CTNNA2: variants seen among roughly 807,000 people sequenced by gnomAD.
CTNNA2 encodes the protein catenin alpha-2.
Under a neutral mutation model 101.0 loss-of-function variants are expected in CTNNA2, and 42 were observed. The observed-to-expected ratio is 0.42, with a 90% CI of 0.32 to 0.54. The LOEUF (loss-of-function observed/expected upper bound fraction) is 0.54, where lower values mean the gene tolerates loss of function less well. CTNNA2 is among the 20% of genes least tolerant of loss of function. The pLI is 0.14. For synonymous variants in CTNNA2, 450 were observed against 456.4 expected, an observed-to-expected ratio of 0.99 and a Z score of 0.18; for missense variants, 871 against 1,223.1, an observed-to-expected ratio of 0.71 and a Z score of 4.29.
intron 3 of CTNNA2, among the ~76,000 whole-genome samples, chr2:79,818,155 T>C (rs1001419471): frequency 3.3e-5 from 5 of 152,190 alleles, no homozygotes; most frequent in South Asian, 2.1e-4. Context: ...GCAGATTACA[T>C]TAAGAAGTTC....
At chr2:80,606,579 GA>G (rs1437167124) in intron 16 of CTNNA2, among the ~76,000 whole-genome samples, 1 of 151,844 alleles carries the variant, frequency 6.6e-6, no homozygotes, top group African/African-American at 2.4e-5. Context: ...GAAATCTTCA[GA>G]AAAAAATGTT....
chr2:80,236,379 A>C (rs1387707254), intron 7 of CTNNA2, among the ~76,000 whole-genome samples: 1 of 152,196 alleles, frequency 6.6e-6, no homozygotes, highest in Non-Finnish European at 1.5e-5. Flanking sequence ...TGTATCTTGC[A>C]CTGAAGTTCT....
At chr2:79,717,862 G>T (rs1683375969) in intron 2 of CTNNA2, among the ~76,000 whole-genome samples, 1 of 152,158 alleles carries the variant, frequency 6.6e-6, no homozygotes, top group African/African-American at 2.4e-5. Context: ...GGACTTAAAA[G>T]TGGAACCTAC....
chr2:79,279,991 C>G (rs531299078), intron 2 of CTNNA2, among the ~76,000 whole-genome samples: 12 of 152,192 alleles, frequency 7.9e-5, no homozygotes, highest in African/African-American at 2.9e-4. Flanking sequence ...TTCAACCTTA[C>G]TAAGAATTTG....
rs147721164 is a variant in CTNNA2, at chr2:80,430,028, A to G, written c.1290+10427A>G. Among the ~76,000 whole-genome samples, 45 of 152,340 alleles carry G rather than the reference A, an allele frequency of 3.0e-4. No homozygotes were observed. The East Asian group carries it at 7.9e-3, about 27-fold the overall frequency. On this transcript the variant is annotated intron_variant, in intron 9 of 18. Transcript: ENST00000402739. ...ATGAAATCAATTTTTTTCATATGTA[A>G]GAGAAACCAACTATTAGTTTCCATG...
At chr2:80,597,584 G>A (rs1278422634) in intron 15 of CTNNA2, among the ~76,000 whole-genome samples, 1 of 151,880 alleles carries the variant, frequency 6.6e-6, no homozygotes, top group African/African-American at 2.4e-5. Context: ...ATCTGGCAAG[G>A]GTCTAATATC....
At chr2:80,313,655 G>T (rs868309291) in intron 7 of CTNNA2, 2 of 1,602,086 alleles carry the variant, frequency 1.2e-6, no homozygotes, top group East Asian at 2.2e-5. Context: ...TGGAGCACAG[G>T]TATGCAGGAG....
At chr2:79,436,183 T>C (rs1678711031) in intron 4 of CTNNA2, among the ~76,000 whole-genome samples, 1 of 152,200 alleles carries the variant, frequency 6.6e-6, no homozygotes, top group Non-Finnish European at 1.5e-5. Flanking sequence ...ACTTTCTACC[T>C]GCGATGAACT....
At chr2:80,304,372 C>T (rs542815719) in intron 7 of CTNNA2, 1 of 152,750 alleles carries the variant, frequency 6.5e-6, no homozygotes, top group Non-Finnish European at 1.5e-5. Context: ...AGTTTCCCAA[C>T]TACGTGCCGG....
At chr2:80,647,507 A>G in intron 18 of CTNNA2, 78 bp from the exon 19 acceptor site, 1 of 1,185,924 alleles carries the variant, frequency 8.4e-7, no homozygotes, top group Non-Finnish European at 1.2e-6. Context: ...CATTATTTTA[A>G]CCGTGAAAGT....
Position 80,371,303 on chromosome 2 carries a change from G to T in CTNNA2, c.1057-21908G>T, listed in dbSNP as rs890359158. Among the ~76,000 whole-genome samples, 8 of 152,138 alleles carry T rather than the reference G, an allele frequency of 5.3e-5. No individual in the cohort carries two copies. In the South Asian group the frequency reaches 6.2e-4, roughly 12 times the overall value. ...ACTCAGATGAATTGTCCAAAATGTG[G>T]CCAATTCTGATTTTAACATTTACCC... On this transcript the variant is annotated intron_variant, in intron 7 of 18. Coordinates refer to ENST00000402739, the MANE Select transcript of CTNNA2 (RefSeq NM_001282597.3).
intron 7 of CTNNA2, among the ~76,000 whole-genome samples, chr2:80,341,681 C>G (rs1208565631): frequency 1.3e-5 from 2 of 152,180 alleles, no homozygotes; most frequent in African/African-American, 2.4e-5. Flanking sequence ...TAGAATGGTA[C>G]AGCTACTTTG....
chr2:80,092,316 G>A (rs1413851477), intron 7 of CTNNA2, among the ~76,000 whole-genome samples: 2 of 152,138 alleles, frequency 1.3e-5, no homozygotes, highest in Non-Finnish European at 2.9e-5. Context: ...AGGAGTCAAA[G>A]AGATAGCTCC....
chr2:79,780,051 A>T (rs902841175), intron 3 of CTNNA2, among the ~76,000 whole-genome samples: 3 of 152,192 alleles, frequency 2.0e-5, no homozygotes, highest in Non-Finnish European at 4.4e-5. Flanking sequence ...TGGTCTCCAC[A>T]ACCCCTTATG....
At position 79,833,876 on chromosome 2, in the gene CTNNA2, A is replaced by C. The variant is rs201987932; in HGVS notation, c.299-24137A>C. 8.5e-5 allele frequency among the ~76,000 whole-genome samples: 13 copies of C among 152,306 alleles called. No individual in the cohort carries two copies. In the East Asian group the frequency reaches 2.5e-3, roughly 29 times the overall value. On this transcript the variant is annotated intron_variant, in intron 3 of 18. Coordinates refer to ENST00000402739, the MANE Select transcript of CTNNA2 (RefSeq NM_001282597.3). Reference sequence around the variant, plus strand: ...TATTTTCATTAGTAATATTATATTGAATGTATCGTTTACCATTTGCACTTT... The same window carrying C: ...TATTTTCATTAGTAATATTATATTGCATGTATCGTTTACCATTTGCACTTT...
chr2:80,008,194 T>G (rs1693511332), intron 7 of CTNNA2, among the ~76,000 whole-genome samples: 1 of 152,174 alleles, frequency 6.6e-6, no homozygotes, highest in Non-Finnish European at 1.5e-5. Flanking sequence ...GAAACAAAGC[T>G]TATGTACTTT....
intron 9 of CTNNA2, among the ~76,000 whole-genome samples, chr2:80,483,708 G>C (rs1686325666): frequency 6.6e-6 from 1 of 152,184 alleles, no homozygotes; most frequent in Admixed American, 6.5e-5. Flanking sequence ...TTTTAAATGA[G>C]TGGTGAGTTG....
At chr2:79,989,245 C>T (rs956840859) in intron 7 of CTNNA2, among the ~76,000 whole-genome samples, 2 of 152,156 alleles carry the variant, frequency 1.3e-5, no homozygotes, top group African/African-American at 4.8e-5. Context: ...TGGGTCTATT[C>T]CCAATGCATG....
chr2:79,687,245 G>C (rs1000197564), intron 2 of CTNNA2, among the ~76,000 whole-genome samples: 4 of 152,000 alleles, frequency 2.6e-5, no homozygotes, highest in Non-Finnish European at 4.4e-5. Context: ...TTTGGTGGCA[G>C]TTTTCTTTAT....
Sources: gnomAD v4.1 joint callset for allele counts (sites outside exome capture counted in the v4.1 genomes callset) on GRCh38, gnomAD v4.1.1 for gene constraint, MANE v1.5 for transcripts, NCBI Gene and HGNC (gene_info 2026-07-23, HGNC 2026-07-21) for gene names.